RAB21: variants seen among roughly 807,000 people sequenced by gnomAD.
RAB21 encodes the protein RAB21, member RAS oncogene family.
In RAB21, 13 loss-of-function variants were observed where a neutral mutation model predicts 33.1. The observed-to-expected ratio is 0.39, with a 90% confidence interval of 0.26 to 0.62. The LOEUF is 0.62. Ranked by LOEUF, RAB21 falls within the 20% of genes least tolerant of loss-of-function variation. RAB21 has a pLI of 0.48. For synonymous variants in RAB21, 91 were observed against 103.7 expected, an observed-to-expected ratio of 0.88 and a Z score of 0.74; for missense variants, 234 against 279.1, an observed-to-expected ratio of 0.84 and a Z score of 1.15.
intron 1 of RAB21, among the ~76,000 whole-genome samples, chr12:71,756,432 T>C (rs1166631830): frequency 6.6e-6 from 1 of 152,194 alleles, no homozygotes. Flanking sequence ...TGTGAGAACA[T>C]CGACACTACT....
chr12:71,760,400 T>C (rs1477848518), intron 1 of RAB21, among the ~76,000 whole-genome samples: 1 of 152,184 alleles, frequency 6.6e-6, no homozygotes, highest in Non-Finnish European at 1.5e-5. Flanking sequence ...TCTCGTGTGA[T>C]TTCCTCGCTG....
intron 6 of RAB21, among the ~76,000 whole-genome samples, chr12:71,783,829 C>G (rs1188553874): frequency 6.6e-6 from 1 of 152,136 alleles, no homozygotes; most frequent in Non-Finnish European, 1.5e-5. Flanking sequence ...TGCTAGTCAT[C>G]AGGATATCCT....
In RAB21 at chr12:71,791,010, T is replaced by TC. The variant is rs1322130729; in HGVS notation, c.*5338dup. 6.6e-6 allele frequency: 1 copy of TC among 152,090 alleles called. No individual in the cohort carries two copies. The highest frequency in any genetic ancestry group is 6.6e-5 in the Admixed American group (1 of 15,252). The allele number at this position is 152,090 out of a possible 1,614,324, so 9.4% of individuals were successfully genotyped here. On this transcript the variant is annotated 3_prime_UTR_variant, in exon 7 of 7. Transcript: ENST00000261263. ...TTTTTATTTCATTTTTTTGAGACAG[T>TC]CTCGCTGTGTCACCCAGGCTGGAGT...
chr12:71,764,185 T>A (rs773105263), intron 1 of RAB21, among the ~76,000 whole-genome samples: 1 of 152,168 alleles, frequency 6.6e-6, no homozygotes, highest in Non-Finnish European at 1.5e-5. Flanking sequence ...TATAAATCTC[T>A]TGGAAGTACG....
At chr12:71,770,274 T>C (rs965071682) in intron 2 of RAB21, among the ~76,000 whole-genome samples, 1 of 152,214 alleles carries the variant, frequency 6.6e-6, no homozygotes, top group Non-Finnish European at 1.5e-5. Flanking sequence ...AGCCTATTCC[T>C]GGCTTATAAT....
At chr12:71,765,007 A>G (rs1882938171) in intron 1 of RAB21, among the ~76,000 whole-genome samples, 1 of 152,020 alleles carries the variant, frequency 6.6e-6, no homozygotes, top group Non-Finnish European at 1.5e-5. Flanking sequence ...TAGATCTATA[A>G]TGCTTTTAGT....
intron 4 of RAB21, among the ~76,000 whole-genome samples, chr12:71,780,190 A>G (rs547604008): frequency 5.9e-5 from 9 of 152,336 alleles, no homozygotes; most frequent in African/African-American, 2.2e-4. Flanking sequence ...TTGAGGCAGT[A>G]AGGTGATTGC....
chr12:71,793,192 A>G lies in RAB21; in HGVS notation c.*7519A>G, dbSNP rs1883412658. 1 of 152,078 alleles carries G rather than the reference A, an allele frequency of 6.6e-6. No individual in the cohort carries two copies. The highest frequency in any genetic ancestry group is 2.4e-5 in the African/African-American group (1 of 41,390). The allele number at this position is 152,078 out of a possible 1,614,324, so 9.4% of individuals were successfully genotyped here. ...GCGGTGATTTTTTTTAACCTAGAAA[A>G]AATACAATTTAAAAAGCAATCATGT... On this transcript the variant is annotated 3_prime_UTR_variant, in exon 7 of 7. Coordinates refer to ENST00000261263, the MANE Select transcript of RAB21 (RefSeq NM_014999.4).
chr12:71,761,438 G>T (rs1352485789), intron 1 of RAB21, among the ~76,000 whole-genome samples: 1 of 152,184 alleles, frequency 6.6e-6, no homozygotes, highest in Non-Finnish European at 1.5e-5. Flanking sequence ...CAGCACTTTG[G>T]GAGGCTGAGG....
At chr12:71,785,399 C>A in intron 6 of RAB21, 132 bp from the exon 7 acceptor site, 1 of 1,040,446 alleles carries the variant, frequency 9.6e-7, no homozygotes, top group Non-Finnish European at 1.4e-6. Flanking sequence ...TGAGCTGACC[C>A]AATGTTCATT....
chr12:71,775,372 T>C (rs975572449), intron 4 of RAB21, among the ~76,000 whole-genome samples: 3 of 152,188 alleles, frequency 2.0e-5, no homozygotes, highest in African/African-American at 7.2e-5. Flanking sequence ...ATCCTTAAGA[T>C]GTATAGCCTC....
chr12:71,782,545 A>G (rs1883217276), intron 5 of RAB21, 25 bp from the exon 6 acceptor site: 5 of 1,466,582 alleles, frequency 3.4e-6, no homozygotes, highest in African/African-American at 1.4e-5. Context: ...TTTTACATCA[A>G]TCACCGATGT....
intron 1 of RAB21, among the ~76,000 whole-genome samples, chr12:71,765,443 C>T (rs1304552527): frequency 1.3e-5 from 2 of 152,146 alleles, no homozygotes; most frequent in South Asian, 2.1e-4. Context: ...TGTGCAGAAG[C>T]GTTTCAGTTT....
intron 4 of RAB21, among the ~76,000 whole-genome samples, chr12:71,775,170 T>C (rs181412909): frequency 1.3e-5 from 2 of 152,330 alleles, no homozygotes; most frequent in Admixed American, 6.5e-5. Flanking sequence ...TTCTGTGATA[T>C]CACAAGTATT....
At chr12:71,777,103 A>G (rs1883131894) in intron 4 of RAB21, among the ~76,000 whole-genome samples, 1 of 152,214 alleles carries the variant, frequency 6.6e-6, no homozygotes, top group Admixed American at 6.5e-5. Context: ...AGAAAAGTGT[A>G]CAAATCTTCA....
chr12:71,782,647 A>G lies in RAB21; in HGVS notation c.524A>G (p.Asp175Gly). 4 of 1,585,558 alleles carry G rather than the reference A, an allele frequency of 2.5e-6. No homozygotes were observed. The highest frequency in any genetic ancestry group is 3.4e-6 in the Non-Finnish European group (4 of 1,162,080). ...AAAGGAATTGAGGAACTCTTTCTTG[A>G]CCTTTGTAAAAGTAGGTATATTCAG... ...QNKGIEELFL[D>G]LCKRMIETAQ... Residue 175 changes from aspartate to glycine, a missense_variant, in exon 6 of 7, where the codon GAC becomes GGC. Transcript: ENST00000261263.
At chr12:71,775,396 G>A (rs866501475) in intron 4 of RAB21, among the ~76,000 whole-genome samples, 2 of 152,270 alleles carry the variant, frequency 1.3e-5, no homozygotes, top group Admixed American at 6.5e-5. Context: ...CTGTTTTCTC[G>A]CTTTCTTTCT....
In RAB21 at chr12:71,793,639, A is replaced by G. The variant is rs1883418713; in HGVS notation, c.*7966A>G. The G allele has an allele frequency of 6.6e-6, 1 of 152,250 alleles. No homozygotes were observed. The highest frequency in any genetic ancestry group is 6.5e-5 in the Admixed American group (1 of 15,294). The allele number at this position is 152,250 out of a possible 1,614,324, so 9.4% of individuals were successfully genotyped here. On this transcript the variant is annotated 3_prime_UTR_variant, in exon 7 of 7. Coordinates refer to ENST00000261263, the MANE Select transcript of RAB21 (RefSeq NM_014999.4). The stretch of plus-strand genomic sequence containing the variant: ...TTTAATGAGTTCTTCAAAACATAAA[A>G]GTCCTGTAAAGGAAAAGCTAGAGGA...
intron 1 of RAB21, among the ~76,000 whole-genome samples, chr12:71,764,581 A>G (rs1882931243): frequency 6.6e-6 from 1 of 152,102 alleles, no homozygotes; most frequent in Non-Finnish European, 1.5e-5. Context: ...CATATTCAAT[A>G]TGTAGTCTTT....
Sources: gnomAD v4.1 joint callset for allele counts (sites outside exome capture counted in the v4.1 genomes callset) on GRCh38, gnomAD v4.1.1 for gene constraint, MANE v1.5 for transcripts, NCBI Gene and HGNC (gene_info 2026-07-23, HGNC 2026-07-21) for gene names.